Variants in GLIS3 observed in about 807,000 individuals in gnomAD.
GLIS3 encodes zinc finger protein GLIS3.
GLIS3 carries 53 observed loss-of-function variants against 78.6 expected under a neutral mutation model. The observed-to-expected ratio is 0.67, with a 90% CI of 0.54 to 0.85. GLIS3 has a LOEUF of 0.85. Ranked by LOEUF, GLIS3 falls within the 40% of genes least tolerant of loss-of-function variation. GLIS3 has a pLI of 0.00. For missense variants in GLIS3, 1,703 were observed against 1,231.1 expected, an observed-to-expected ratio of 1.38 and a Z score of -5.74; for synonymous variants, 684 against 509.9, an observed-to-expected ratio of 1.34 and a Z score of -4.60.
upstream of GLIS3, among the ~76,000 whole-genome samples, chr9:4,302,910 G>A (rs143945084): frequency 1.3e-5 from 2 of 152,170 alleles, no homozygotes; most frequent in East Asian, 1.9e-4. Flanking sequence ...AGAATGAGTA[G>A]AGAAGTGATA....
intron 4 of GLIS3, among the ~76,000 whole-genome samples, chr9:4,026,518 G>A (rs537856749): frequency 6.2e-4 from 95 of 152,054 alleles, no homozygotes; most frequent in African/African-American, 2.2e-3. Context: ...ACCCAAAAAG[G>A]AGGAAAAAAA....
rs1832542961 is a variant in GLIS3, at chr9:4,125,938, G to C, written c.392C>G (p.Ala131Gly). The part of the protein sequence containing the change: ...SPFPPNPGKG[A>G]LGFGPQCKSI... ...CTTGCACTGAGGCCCAAAGCCAAGAGCCCCTAAAAACAAATGAATCAGGTT... is the reference window on the plus strand; with the variant it reads ...CTTGCACTGAGGCCCAAAGCCAAGACCCCCTAAAAACAAATGAATCAGGTT... Residue 131 changes from alanine to glycine, a missense_variant, in exon 3 of 11, where the codon GCT becomes GGT. Coordinates refer to ENST00000381971, the MANE Select transcript of GLIS3 (RefSeq NM_001042413.2). The C allele has an allele frequency of 2.4e-5, 38 of 1,613,096 alleles. No homozygotes were observed. Among genetic ancestry groups the C allele is most frequent in the Non-Finnish European group, 3.2e-5 (38 of 1,179,358 alleles).
chr9:4,401,331 C>T, the GLIS3 span, among the ~76,000 whole-genome samples: 1 of 152,062 alleles, frequency 6.6e-6, no homozygotes, highest in African/African-American at 2.4e-5. Flanking sequence ...GTGATCTCAG[C>T]TCACAGCAAC....
the GLIS3 span, among the ~76,000 whole-genome samples, chr9:4,357,561 C>CTGTGTGTGTGTGTGTGTG: frequency 2.7e-5 from 4 of 147,762 alleles, no homozygotes; most frequent in South Asian, 6.6e-4. Context: ...GAACTAATTC[C>CTGTGTGTGTGTGTGTGTG]TGTGTGTGTG....
intron 2 of GLIS3, among the ~76,000 whole-genome samples, chr9:4,195,415 C>T (rs1044040210): frequency 6.6e-6 from 1 of 152,186 alleles, no homozygotes; most frequent in Non-Finnish European, 1.5e-5. Context: ...GCCACCGGCC[C>T]CAGACAGTGA....
At chr9:4,160,198 G>A (rs965958056) in intron 2 of GLIS3, among the ~76,000 whole-genome samples, 1 of 152,292 alleles carries the variant, frequency 6.6e-6, no homozygotes, top group South Asian at 2.1e-4. Context: ...GGCATAGTAG[G>A]TGAGAGACAA....
chr9:3,885,870 C>T (rs1822040689), intron 7 of GLIS3, among the ~76,000 whole-genome samples: 1 of 152,198 alleles, frequency 6.6e-6, no homozygotes, highest in African/African-American at 2.4e-5. Flanking sequence ...CAATGTGAGA[C>T]AGATAGACCT....
At chr9:4,092,481 C>G (rs10814838) in intron 4 of GLIS3, among the ~76,000 whole-genome samples, 41,641 of 152,138 alleles carry the variant, frequency 0.27, 6,452 homozygotes, top group East Asian at 0.47. Flanking sequence ...CACTGTACAG[C>G]TGCACCACAA....
chr9:4,020,951 C>T (rs184080194), intron 4 of GLIS3, among the ~76,000 whole-genome samples: 30 of 152,302 alleles, frequency 2.0e-4, no homozygotes, highest in African/African-American at 7.2e-4. Context: ...AGCACAGAGA[C>T]TTCTATGCGC....
the GLIS3 span, among the ~76,000 whole-genome samples, chr9:4,455,502 G>A: frequency 2.6e-5 from 4 of 152,134 alleles, no homozygotes; most frequent in East Asian, 7.7e-4. Context: ...TCTAGTTCCA[G>A]CCCTGTCACT....
chr9:4,322,229 T>C (rs568942953), intron 2 of GLIS3, among the ~76,000 whole-genome samples: 1 of 152,302 alleles, frequency 6.6e-6, no homozygotes, highest in African/African-American at 2.4e-5. Flanking sequence ...TATAGCTGCA[T>C]AGTATTCCAT....
intron 4 of GLIS3, among the ~76,000 whole-genome samples, chr9:4,011,912 T>G (rs2130039506): frequency 6.6e-6 from 1 of 152,238 alleles, no homozygotes; most frequent in Non-Finnish European, 1.5e-5. Context: ...AAAGTCAGAC[T>G]GCTATGGTTG....
chr9:4,051,906 G>A (rs934080196), intron 4 of GLIS3, among the ~76,000 whole-genome samples: 1 of 152,170 alleles, frequency 6.6e-6, no homozygotes, highest in Non-Finnish European at 1.5e-5. Context: ...AACGTTTATA[G>A]ATGATACATA....
At chr9:4,375,649 T>A in the GLIS3 span, among the ~76,000 whole-genome samples, 2 of 152,230 alleles carry the variant, frequency 1.3e-5, no homozygotes, top group Non-Finnish European at 2.9e-5. Flanking sequence ...CCTTATGGAA[T>A]GTTTGCTTCT....
chr9:4,301,266 G>A (rs1025157993), upstream of GLIS3, among the ~76,000 whole-genome samples: 4 of 152,160 alleles, frequency 2.6e-5, no homozygotes, highest in African/African-American at 9.7e-5. Flanking sequence ...AAAATAGTAA[G>A]AGGTCAGGAT....
At chr9:3,996,967 G>GA (rs949346893) in intron 4 of GLIS3, among the ~76,000 whole-genome samples, 3 of 152,122 alleles carry the variant, frequency 2.0e-5, no homozygotes, top group African/African-American at 4.8e-5. Flanking sequence ...CGCTTAAGGA[G>GA]AAAAAATACA....
chr9:4,395,981 C>A, the GLIS3 span, among the ~76,000 whole-genome samples: 1 of 151,832 alleles, frequency 6.6e-6, no homozygotes, highest in Non-Finnish European at 1.5e-5. Context: ...ACCATGTTGG[C>A]TAGGATGGTG....
chr9:4,041,858 G>C (rs1824838850), intron 4 of GLIS3, among the ~76,000 whole-genome samples: 1 of 152,150 alleles, frequency 6.6e-6, no homozygotes. Context: ...GACAATATCT[G>C]ACAGTCTTAG....
the GLIS3 span, among the ~76,000 whole-genome samples, chr9:4,406,753 C>G: frequency 0.011 from 1,607 of 152,196 alleles, 28 homozygotes; most frequent in African/African-American, 0.036. Context: ...CGTGAAAGAT[C>G]TCTTCAATAA....
Sources: gnomAD v4.1 joint callset for allele counts (sites outside exome capture counted in the v4.1 genomes callset) on GRCh38, gnomAD v4.1.1 for gene constraint, MANE v1.5 for transcripts, NCBI Gene and HGNC (gene_info 2026-07-23, HGNC 2026-07-21) for gene names.